The following AZIN2 variants were observed in gnomAD, a reference collection of about 807,000 sequenced individuals.
The protein encoded by AZIN2 is ODC antizyme inhibitor-2.
AZIN2 carries 28 observed loss-of-function variants against 47.8 expected under a neutral mutation model. The ratio of observed to expected loss-of-function variants is 0.59; its 90% CI spans 0.43 to 0.80. The LOEUF (loss-of-function observed/expected upper bound fraction) is 0.80. Among genes scored for constraint, AZIN2 ranks in the 30% least tolerant of loss-of-function variants. The probability of loss-of-function intolerance (pLI) is 0.00; values close to 1 mark genes in which losing one functional copy is unlikely to be tolerated. For missense variants in AZIN2, 535 were observed against 582.5 expected, an observed-to-expected ratio of 0.92 and a Z score of 0.84; for synonymous variants, 221 against 239.4, an observed-to-expected ratio of 0.92 and a Z score of 0.71.
the AZIN2 span, chr1:33,163,493 T>G: frequency 6.6e-6 from 1 of 152,212 alleles, no homozygotes; most frequent in Non-Finnish European, 1.5e-5. Context: ...AGAGAAAAGT[T>G]CTGCTCAACT....
the AZIN2 span, among the ~76,000 whole-genome samples, chr1:33,155,622 C>G: frequency 6.6e-6 from 1 of 152,124 alleles, no homozygotes; most frequent in African/African-American, 2.4e-5. Context: ...GTAGCATTTC[C>G]AAGTCGTGAC....
chr1:33,153,653 G>A, the AZIN2 span, among the ~76,000 whole-genome samples: 1 of 152,156 alleles, frequency 6.6e-6, no homozygotes, highest in Non-Finnish European at 1.5e-5. Context: ...GCTCCCTTAT[G>A]AGGGAGTTGA....
chr1:33,142,599 C>G, the AZIN2 span: 1 of 152,240 alleles, frequency 6.6e-6, no homozygotes, highest in Non-Finnish European at 1.5e-5. Context: ...TGGGGCCTTT[C>G]TAACTCCACC....
intron 8 of AZIN2, among the ~76,000 whole-genome samples, chr1:33,095,213 G>T (rs906293571): frequency 2.0e-5 from 3 of 152,162 alleles, no homozygotes; most frequent in African/African-American, 7.2e-5. Flanking sequence ...CTTGGAAGGC[G>T]CCTCCTTCGG....
the AZIN2 span, among the ~76,000 whole-genome samples, chr1:33,149,155 T>C: frequency 6.6e-6 from 1 of 152,204 alleles, no homozygotes. Context: ...CTCTTCTTTT[T>C]CTTATTTATT....
intron 10 of AZIN2, among the ~76,000 whole-genome samples, chr1:33,111,597 T>G (rs535026165): frequency 6.6e-6 from 1 of 151,494 alleles, no homozygotes; most frequent in Non-Finnish European, 1.5e-5. Context: ...GTAGACAAAA[T>G]ATATGAATAA....
the AZIN2 span, among the ~76,000 whole-genome samples, chr1:33,158,825 CTCAGTTTTTT>C: frequency 1.8e-4 from 27 of 152,012 alleles, no homozygotes; most frequent in Admixed American, 5.3e-4. Context: ...TTTTCAGAGC[CTCAGTTTTTT>C]TCTTTTTTTT....
the AZIN2 span, chr1:33,158,147 C>T: frequency 1.0e-6 from 1 of 1,000,268 alleles, no homozygotes; most frequent in Non-Finnish European, 1.5e-6. Flanking sequence ...CAGCAAGGCA[C>T]TCTGCTCATT....
In AZIN2 at chr1:33,096,753, G is replaced by A. The variant is rs748960036; in HGVS notation, c.800G>A (p.Gly267Asp). The change falls in exon 9 of 12, where the codon GGC (glycine) becomes GAC (aspartate). Residue 267 changes from glycine (G) to aspartate (D), a missense_variant. Transcript: ENST00000294517. ...GCCTTGGACCTGTACTTCCCAGAGG[G>A]CTGTGGCGTGGACATCTTTGCTGAG... ...NSALDLYFPE[G>D]CGVDIFAELG... The A allele has an allele frequency of 3.7e-6, 6 of 1,614,102 alleles. No homozygotes were observed. The highest frequency in any genetic ancestry group is 2.7e-5 in the African/African-American group (2 of 74,932).
rs1643195346 is a variant in AZIN2 at position 33,096,726 on chromosome 1, C to G, written c.773C>G (p.Ser258Ter). The change falls in exon 9 of 12, where the codon TCA (serine) becomes TGA (stop). Residue 258 changes from serine (S) to a stop codon, truncating the protein, a stop_gained. Coordinates refer to ENST00000294517, the MANE Select transcript of AZIN2 (RefSeq NM_052998.4). LOFTEE classifies it high-confidence loss of function. ...RFEEIASVIN[S>*]ALDLYFPEGC... Reference sequence around the variant, plus strand: ...TACCAGATTGCTTCCGTGATCAACTCAGCCTTGGACCTGTACTTCCCAGAG... The same window carrying G: ...TACCAGATTGCTTCCGTGATCAACTGAGCCTTGGACCTGTACTTCCCAGAG... The G allele has an allele frequency of 6.2e-7, 1 of 1,614,260 alleles. No homozygotes were observed. Among genetic ancestry groups the G allele is most frequent in the African/African-American group, 1.3e-5 (1 of 75,074 alleles).
At position 33,122,470 on chromosome 1, in the gene AZIN2, C is replaced by G. The variant is rs1396171605; in HGVS notation, c.*2288C>G. On this transcript the variant is annotated 3_prime_UTR_variant, in exon 12 of 12. Transcript: ENST00000294517. ...GGATAATAGTTAATAGTCATTTTTT[C>G]CCAGTTATTTGTTTTTGTTTCTTAT... is the stretch of plus-strand genomic sequence containing the variant. 6.6e-6 allele frequency among the ~76,000 whole-genome samples: 1 copy of G among 152,118 alleles called. No homozygotes were observed. Among genetic ancestry groups the G allele is most frequent in the Non-Finnish European group, 1.5e-5 (1 of 68,012 alleles).
At chr1:33,151,425 C>T in the AZIN2 span, among the ~76,000 whole-genome samples, 7 of 152,124 alleles carry the variant, frequency 4.6e-5, no homozygotes, top group African/African-American at 1.7e-4. Context: ...TTGCACGAAT[C>T]ATTAACACAG....
At chr1:33,093,142 G>A (rs1485456921) in intron 6 of AZIN2, 140 bp from the exon 7 acceptor site, 1 of 1,076,578 alleles carries the variant, frequency 9.3e-7, no homozygotes. Flanking sequence ...TTGATTGGCT[G>A]TGTAGGGAGA....
the AZIN2 span, among the ~76,000 whole-genome samples, chr1:33,135,585 G>C: frequency 5.9e-5 from 9 of 152,186 alleles, no homozygotes; most frequent in African/African-American, 2.2e-4. Context: ...TCTCACATTG[G>C]ATCCTCAGCC....
rs531685245 is a variant in AZIN2, at chr1:33,087,309, T to G, written c.279+3182T>G. ...CCACGATGCCCGGCTAATTTTGTAT[T>G]TTTAATAGAGATGGGGTTTCTCCAT... On this transcript the variant is annotated intron_variant, in intron 5 of 11. Coordinates refer to ENST00000294517, the MANE Select transcript of AZIN2 (RefSeq NM_052998.4). Among the ~76,000 whole-genome samples the G allele has an allele frequency of 3.9e-5, 6 of 151,996 alleles. No homozygotes were observed. The East Asian group carries it at 1.2e-3, about 29-fold the overall frequency.
the AZIN2 span, among the ~76,000 whole-genome samples, chr1:33,154,503 ATT>A: frequency 6.7e-6 from 1 of 150,102 alleles, no homozygotes. Context: ...TCTTAATTAA[ATT>A]TGTTTTTTTT....
the AZIN2 span, among the ~76,000 whole-genome samples, chr1:33,151,059 C>T: frequency 4.6e-5 from 7 of 152,058 alleles, no homozygotes; most frequent in African/African-American, 1.7e-4. Flanking sequence ...CAGCTTCAGA[C>T]TTGTAGCTTA....
chr1:33,100,708 A>C (rs1405012259), intron 10 of AZIN2, among the ~76,000 whole-genome samples: 3 of 152,208 alleles, frequency 2.0e-5, no homozygotes, highest in African/African-American at 7.2e-5. Context: ...AAAAAATCAC[A>C]ATTCCATTAT....
the AZIN2 span, among the ~76,000 whole-genome samples, chr1:33,138,640 A>AAAAAAG: frequency 6.7e-6 from 1 of 149,418 alleles, no homozygotes; most frequent in Non-Finnish European, 1.5e-5. Flanking sequence ...AAAAAAAAAA[A>AAAAAAG]AAAAAGAAAA....
Sources: allele counts gnomAD v4.1 joint callset (sites outside exome capture counted in the v4.1 genomes callset), GRCh38; gene constraint gnomAD v4.1.1; transcripts MANE v1.5; gene names NCBI Gene and HGNC (gene_info 2026-07-23, HGNC 2026-07-21).